The following SAMD12 variants were observed in gnomAD, a reference collection of about 807,000 sequenced individuals.
SAMD12 encodes sterile alpha motif domain containing 12, also known as sterile alpha motif domain-containing protein 12.
SAMD12 carries 9 observed loss-of-function variants against 15.0 expected under a neutral mutation model. The ratio of observed to expected loss-of-function variants is 0.60; its 90% CI spans 0.36 to 1.05. The LOEUF is 1.05. Among genes scored for constraint, SAMD12 ranks in the 50% least tolerant of loss-of-function variants. The probability of loss-of-function intolerance (pLI) is 0.01; values close to 1 mark genes in which losing one functional copy is unlikely to be tolerated. For synonymous variants in SAMD12, 86 were observed against 90.1 expected, an observed-to-expected ratio of 0.96 and a Z score of 0.25; for missense variants, 230 against 234.2, an observed-to-expected ratio of 0.98 and a Z score of 0.12.
At chr8:118,286,155 C>A (rs532178099) in intron 4 of SAMD12, among the ~76,000 whole-genome samples, 3 of 114,958 alleles carry the variant, frequency 2.6e-5, no homozygotes, top group Non-Finnish European at 5.1e-5. Flanking sequence ...CATCACACAC[C>A]GGGGCCTGTT....
intron 3 of SAMD12, among the ~76,000 whole-genome samples, chr8:118,404,041 C>T (rs993330916): frequency 1.3e-5 from 2 of 152,056 alleles, no homozygotes; most frequent in Non-Finnish European, 2.9e-5. Context: ...TGCAGTGGTG[C>T]GATTGATTCT....
chr8:118,434,029 T>C lies in SAMD12; in HGVS notation c.322+5803A>G, dbSNP rs892231901. On this transcript the variant is annotated intron_variant, in intron 3 of 3. Coordinates refer to ENST00000314727, the MANE Select transcript of SAMD12 (RefSeq NM_207506.3). ...GAATTGGAAGACAATCACAGAAGGA[T>C]AGAGGAGTAGAACAGCCCAGAAAAA... 9.9e-5 allele frequency among the ~76,000 whole-genome samples: 15 copies of C among 152,272 alleles called. No homozygotes were observed. The South Asian group carries it at 1.9e-3, about 19-fold the overall frequency.
chr8:118,267,344 T>C (rs1406932731), intron 4 of SAMD12, among the ~76,000 whole-genome samples: 2 of 152,128 alleles, frequency 1.3e-5, no homozygotes, highest in African/African-American at 4.8e-5. Flanking sequence ...ATAATTTTGC[T>C]ACCTGAAAGA....
intron 3 of SAMD12, among the ~76,000 whole-genome samples, chr8:118,431,988 T>C (rs1311740254): frequency 6.7e-6 from 1 of 150,140 alleles, no homozygotes; most frequent in Non-Finnish European, 1.5e-5. Flanking sequence ...TTGATTTACC[T>C]CCAAGTTCAC....
chr8:118,277,569 A>G (rs1813505130), intron 4 of SAMD12, among the ~76,000 whole-genome samples: 1 of 150,270 alleles, frequency 6.7e-6, no homozygotes, highest in Admixed American at 6.6e-5. Flanking sequence ...TTTGATTTGT[A>G]TGTCTCCTGA....
intron 4 of SAMD12, among the ~76,000 whole-genome samples, chr8:118,303,668 T>C (rs959040536): frequency 3.3e-5 from 5 of 152,204 alleles, no homozygotes; most frequent in African/African-American, 1.2e-4. Flanking sequence ...GACTTTTTTT[T>C]TTCCTGACTG....
intron 2 of SAMD12, among the ~76,000 whole-genome samples, chr8:118,577,653 T>C (rs1455084751): frequency 6.6e-6 from 1 of 152,116 alleles, no homozygotes; most frequent in Non-Finnish European, 1.5e-5. Flanking sequence ...ACAGAGAGAA[T>C]GTCAAATCGA....
At chr8:118,197,843 A>C in intron 4 of SAMD12, 1 of 902,622 alleles carries the variant, frequency 1.1e-6, no homozygotes, top group Non-Finnish European at 1.9e-6. Flanking sequence ...TAGGCCAAAG[A>C]GAAAGCTCTA....
chr8:118,415,466 T>TGC (rs1821640536), intron 3 of SAMD12, among the ~76,000 whole-genome samples: 1 of 151,440 alleles, frequency 6.6e-6, no homozygotes, highest in Non-Finnish European at 1.5e-5. Context: ...TGTGTGTGTG[T>TGC]GTGTGTGTGT....
At chr8:118,468,874 G>A (rs1823674389) in intron 2 of SAMD12, among the ~76,000 whole-genome samples, 1 of 152,214 alleles carries the variant, frequency 6.6e-6, no homozygotes, top group Admixed American at 6.5e-5. Flanking sequence ...TTATTTTGCT[G>A]ATGACTAACG....
chr8:118,505,502 A>G (rs1352096992), intron 2 of SAMD12, among the ~76,000 whole-genome samples: 1 of 152,102 alleles, frequency 6.6e-6, no homozygotes, highest in Non-Finnish European at 1.5e-5. Context: ...CTCTTCTGAA[A>G]GTCACCTTTG....
intron 4 of SAMD12, among the ~76,000 whole-genome samples, chr8:118,361,587 G>A (rs1368577396): frequency 6.6e-6 from 1 of 152,108 alleles, no homozygotes; most frequent in African/African-American, 2.4e-5. Context: ...ACACACAGGT[G>A]GCTAAAATGT....
chr8:118,454,042 T>C (rs912520603), intron 2 of SAMD12, among the ~76,000 whole-genome samples: 2 of 152,176 alleles, frequency 1.3e-5, no homozygotes, highest in African/African-American at 2.4e-5. Context: ...GATGGATGGA[T>C]GGATAAACTG....
At chr8:118,231,241 GAAGA>G (rs1190391622) in intron 4 of SAMD12, among the ~76,000 whole-genome samples, 3 of 152,178 alleles carry the variant, frequency 2.0e-5, no homozygotes, top group Non-Finnish European at 4.4e-5. Flanking sequence ...TAGATCAAAG[GAAGA>G]AAGGAGTTTC....
At chr8:118,237,495 G>C (rs930877903) in intron 4 of SAMD12, among the ~76,000 whole-genome samples, 2 of 152,156 alleles carry the variant, frequency 1.3e-5, no homozygotes, top group East Asian at 1.9e-4. Flanking sequence ...AATATGATGA[G>C]AGTCTTGGAT....
At chr8:118,559,552 G>A (rs963129054) in intron 2 of SAMD12, among the ~76,000 whole-genome samples, 1 of 152,130 alleles carries the variant, frequency 6.6e-6, no homozygotes, top group African/African-American at 2.4e-5. Flanking sequence ...AGCATTTCTT[G>A]AACTTGTAGT....
At chr8:118,618,934 G>A (rs967709300) in intron 1 of SAMD12, among the ~76,000 whole-genome samples, 23 of 151,918 alleles carry the variant, frequency 1.5e-4, no homozygotes, top group African/African-American at 5.1e-4. Context: ...AGAATGTTAA[G>A]CAATTCGAAC....
intron 1 of SAMD12, among the ~76,000 whole-genome samples, chr8:118,619,206 T>G (rs1485851220): frequency 2.6e-5 from 4 of 152,048 alleles, no homozygotes; most frequent in Non-Finnish European, 4.4e-5. Context: ...AAAGATTTTT[T>G]GGGCATCAAG....
chr8:118,286,075 C>A (rs1813979556), intron 4 of SAMD12, among the ~76,000 whole-genome samples: 1 of 151,378 alleles, frequency 6.6e-6, no homozygotes, highest in Admixed American at 6.6e-5. Context: ...GGACAAAAAG[C>A]CAAACACTGC....
Sources: gnomAD v4.1 joint callset for allele counts (sites outside exome capture counted in the v4.1 genomes callset) on GRCh38, gnomAD v4.1.1 for gene constraint, MANE v1.5 for transcripts, NCBI Gene and HGNC (gene_info 2026-07-23, HGNC 2026-07-21) for gene names.